The following PRKG1 variants were observed in gnomAD, a reference collection of about 807,000 sequenced individuals.
The protein encoded by PRKG1 is protein kinase cGMP-dependent 1.
In PRKG1, 35 loss-of-function variants were observed where a neutral mutation model predicts 88.1. The observed-to-expected ratio is 0.40, with a 90% CI of 0.30 to 0.53. The LOEUF is 0.53. Ranked by LOEUF, PRKG1 falls within the 20% of genes least tolerant of loss-of-function variation. The pLI is 0.59. For synonymous variants in PRKG1, 303 were observed against 292.5 expected (o/e 1.04, Z -0.37); for missense variants, 540 against 839.8 (o/e 0.64, Z 4.41).
chr10:51,991,585 C>T (rs147122267), intron 5 of PRKG1, among the ~76,000 whole-genome samples: 2 of 152,046 alleles, frequency 1.3e-5, no homozygotes, highest in South Asian at 2.1e-4. Flanking sequence ...CTGGGTCCAA[C>T]GGTTCTCATT....
At chr10:52,160,081 T>C (rs1268025165) in intron 8 of PRKG1, among the ~76,000 whole-genome samples, 1 of 151,910 alleles carries the variant, frequency 6.6e-6, no homozygotes, top group Non-Finnish European at 1.5e-5. Context: ...GTTTTCTTAT[T>C]ATCTAAAAAA....
intron 4 of PRKG1, among the ~76,000 whole-genome samples, chr10:51,846,361 C>A (rs1422869207): frequency 2.0e-5 from 3 of 152,118 alleles, no homozygotes; most frequent in Non-Finnish European, 4.4e-5. Flanking sequence ...ATGTTTAACT[C>A]TGGTGGAGTT....
rs566344477 is a variant in PRKG1 at position 52,290,208 on chromosome 10, T to C, written c.1896-16T>C. On this transcript the variant is annotated splice_polypyrimidine_tract_variant and intron_variant, in intron 16 of 17. Transcript: ENST00000373980. ...CTGACACAAAATGTTTTTATCAACG[T>C]TTTTTCCTTTTCTAGATGGTTTGAG... The C allele has an allele frequency of 6.2e-7, 1 of 1,610,194 alleles. No homozygotes were observed. Among genetic ancestry groups the C allele is most frequent in the South Asian group, 1.1e-5 (1 of 90,680 alleles).
At chr10:51,378,119 T>C (rs1842851213) in intron 2 of PRKG1, among the ~76,000 whole-genome samples, 1 of 152,202 alleles carries the variant, frequency 6.6e-6, no homozygotes, top group African/African-American at 2.4e-5. Context: ...CATCCTTTCC[T>C]CTAGTCTGCA....
At chr10:52,171,484 A>G (rs1297034185) in intron 9 of PRKG1, among the ~76,000 whole-genome samples, 2 of 152,182 alleles carry the variant, frequency 1.3e-5, no homozygotes, top group Non-Finnish European at 2.9e-5. Flanking sequence ...AGGGCAAAAT[A>G]TAGGGGACGA....
chr10:51,529,287 G>T (rs1237413625), intron 3 of PRKG1, among the ~76,000 whole-genome samples: 1 of 152,078 alleles, frequency 6.6e-6, no homozygotes, highest in African/African-American at 2.4e-5. Context: ...TTGCATTGAT[G>T]TCTTTCATTC....
At chr10:51,098,705 C>T (rs1286268128) in intron 1 of PRKG1, among the ~76,000 whole-genome samples, 1 of 152,196 alleles carries the variant, frequency 6.6e-6, no homozygotes, top group South Asian at 2.1e-4. Flanking sequence ...TTGAAATTGT[C>T]AAGCTGTCCA....
At chr10:51,080,469 T>A (rs1169950460) in intron 1 of PRKG1, among the ~76,000 whole-genome samples, 3 of 151,642 alleles carry the variant, frequency 2.0e-5, no homozygotes, top group Non-Finnish European at 4.4e-5. Flanking sequence ...CAATGGAGGG[T>A]CTCCATGGTA....
chr10:51,675,509 G>C (rs543385187), intron 3 of PRKG1, among the ~76,000 whole-genome samples: 1 of 152,242 alleles, frequency 6.6e-6, no homozygotes, highest in East Asian at 1.9e-4. Flanking sequence ...GGGTATTTGA[G>C]ACACCGAGTT....
At chr10:52,001,365 A>AG (rs201399029) in intron 5 of PRKG1, among the ~76,000 whole-genome samples, 7,430 of 56,590 alleles carry the variant, frequency 0.13, 435 homozygotes, top group African/African-American at 0.33. Flanking sequence ...TTCTCACCAT[A>AG]AAAAAAAAAA....
intron 4 of PRKG1, among the ~76,000 whole-genome samples, chr10:51,883,277 G>T (rs1266365430): frequency 6.6e-6 from 1 of 152,166 alleles, no homozygotes; most frequent in Non-Finnish European, 1.5e-5. Context: ...TCTGCAACTT[G>T]CAGATGGCAG....
Position 51,610,556 on chromosome 10 carries a change from T to C in PRKG1, c.592+142720T>C, listed in dbSNP as rs557695404. On this transcript the variant is annotated intron_variant, in intron 3 of 17. Coordinates refer to ENST00000373980, the MANE Select transcript of PRKG1 (RefSeq NM_006258.4). ...ATTCATTTGTTGATAGACACTTAGA[T>C]TGATTTCATATCTTTGCTATTGTTA... Among the ~76,000 whole-genome samples, 8 of 152,300 alleles carry C rather than the reference T, an allele frequency of 5.3e-5. 1 individual carries two copies. Among genetic ancestry groups the C allele is most frequent in the South Asian group, 2.1e-4 (1 of 4,828 alleles).
chr10:52,184,195 A>G (rs1366944950), intron 9 of PRKG1, among the ~76,000 whole-genome samples: 1 of 152,238 alleles, frequency 6.6e-6, no homozygotes, highest in Non-Finnish European at 1.5e-5. Flanking sequence ...AATAAAAATG[A>G]AACAGTTAAG....
intron 3 of PRKG1, among the ~76,000 whole-genome samples, chr10:51,521,271 C>T (rs563498630): frequency 6.6e-6 from 1 of 152,234 alleles, no homozygotes; most frequent in Non-Finnish European, 1.5e-5. Context: ...GTCTGGGTGA[C>T]AGAGCGAGAC....
chr10:51,437,286 T>C (rs1838960200), intron 2 of PRKG1, among the ~76,000 whole-genome samples: 1 of 152,054 alleles, frequency 6.6e-6, no homozygotes, highest in South Asian at 2.1e-4. Flanking sequence ...TAGACTATTC[T>C]GAGCCTATTT....
At chr10:51,509,644 G>A (rs1286377611) in intron 3 of PRKG1, among the ~76,000 whole-genome samples, 1 of 152,144 alleles carries the variant, frequency 6.6e-6, no homozygotes, top group Non-Finnish European at 1.5e-5. Context: ...CCAAAAGGCT[G>A]GATTACAGGC....
At chr10:52,277,030 T>C (rs987887716) in intron 12 of PRKG1, among the ~76,000 whole-genome samples, 1 of 152,156 alleles carries the variant, frequency 6.6e-6, no homozygotes, top group Non-Finnish European at 1.5e-5. Flanking sequence ...TATAGATGTG[T>C]TGAAGGAATG....
intron 1 of PRKG1, among the ~76,000 whole-genome samples, chr10:51,036,351 G>T (rs1446869149): frequency 3.3e-5 from 5 of 152,098 alleles, no homozygotes; most frequent in Non-Finnish European, 7.4e-5. Flanking sequence ...TACTTTCATA[G>T]GATAATGCTA....
intron 3 of PRKG1, chr10:51,696,710 G>C (rs1841302617): frequency 6.6e-6 from 1 of 151,698 alleles, no homozygotes; most frequent in African/African-American, 2.4e-5. Context: ...GTTAACTCCT[G>C]TCTGGTTGAG....
Sources: gnomAD v4.1 joint callset for allele counts (sites outside exome capture counted in the v4.1 genomes callset) on GRCh38, gnomAD v4.1.1 for gene constraint, MANE v1.5 for transcripts, NCBI Gene and HGNC (gene_info 2026-07-23, HGNC 2026-07-21) for gene names.